The following RGPD8 variants were observed in gnomAD, a reference collection of about 807,000 sequenced individuals.
RGPD8 encodes RANBP2-like and GRIP domain-containing protein 8.
In RGPD8, 15 loss-of-function variants were observed where a neutral mutation model predicts 89.1. The ratio of observed to expected loss-of-function variants is 0.17; its 90% CI spans 0.11 to 0.26. The LOEUF is 0.26. Ranked by LOEUF, RGPD8 falls within the 10% of genes least tolerant of loss-of-function variation. RGPD8 has a pLI of 1.00. For missense variants in RGPD8, 178 were observed against 1,179.6 expected (o/e 0.15, Z 12.44); for synonymous variants, 62 against 420.9 (o/e 0.15, Z 10.44).
intron 22 of RGPD8, among the ~76,000 whole-genome samples, chr2:112,374,398 T>C (rs1187766461): frequency 2.0e-5 from 3 of 151,548 alleles, no homozygotes; most frequent in Non-Finnish European, 4.4e-5. Context: ...GAATTTCCAG[T>C]GAAGGCAGAT....
chr2:112,405,264 G>GT lies in RGPD8; in HGVS notation c.1066+1032dup, dbSNP rs1257426310. The stretch of plus-strand genomic sequence containing the variant: ...CCACTGAACTGTACACTTTAAATGG[G>GT]TGAAGCGTATGGTATACGAATTATA... On this transcript the variant is annotated intron_variant, in intron 8 of 22. Coordinates refer to ENST00000302558, the MANE Select transcript of RGPD8 (RefSeq NM_001164463.1). Among the ~76,000 whole-genome samples the GT allele has an allele frequency of 9.4e-5, 12 of 128,024 alleles. No homozygotes were observed. The East Asian group carries it at 2.7e-3, about 29-fold the overall frequency. The allele number at this position is 128,024 out of a possible 152,430, so 84.0% of individuals were successfully genotyped here.
chr2:112,410,592 A>G (rs1319197087), intron 7 of RGPD8, among the ~76,000 whole-genome samples: 6 of 149,914 alleles, frequency 4.0e-5, no homozygotes, highest in Admixed American at 2.0e-4. Context: ...CCTGGCTAAC[A>G]TGGTGAAATC....
intron 7 of RGPD8, among the ~76,000 whole-genome samples, chr2:112,410,786 T>TA (rs1312107898): frequency 6.6e-6 from 1 of 151,166 alleles, no homozygotes; most frequent in Non-Finnish European, 1.5e-5. Context: ...CAAATAAAAA[T>TA]AAAAAGATTT....
chr2:112,425,471 C>T (rs1364923469), intron 1 of RGPD8, among the ~76,000 whole-genome samples: 1 of 152,026 alleles, frequency 6.6e-6, no homozygotes, highest in African/African-American at 2.4e-5. Flanking sequence ...AATGCTGATG[C>T]ACACCAGGCT....
chr2:112,402,540 C>T (rs1164595074), intron 9 of RGPD8, among the ~76,000 whole-genome samples: 104 of 6,838 alleles, frequency 0.015, no homozygotes, highest in Non-Finnish European at 0.034. Context: ...AAAGGTTATG[C>T]GCTTCTGGAA....
intron 1 of RGPD8, among the ~76,000 whole-genome samples, chr2:112,430,129 A>C (rs1476455019): frequency 6.6e-6 from 1 of 152,206 alleles, no homozygotes; most frequent in Non-Finnish European, 1.5e-5. Flanking sequence ...GAAGACTAAC[A>C]AATGAAAGCA....
At chr2:112,384,725 AC>A (rs1236252015) in intron 20 of RGPD8, 1 of 155,050 alleles carries the variant, frequency 6.4e-6, no homozygotes, top group Non-Finnish European at 1.4e-5. Context: ...TTAATACTCT[AC>A]CTGAAAATAA....
At chr2:112,426,165 T>C (rs1052513550) in intron 1 of RGPD8, among the ~76,000 whole-genome samples, 3 of 152,184 alleles carry the variant, frequency 2.0e-5, no homozygotes, top group East Asian at 1.9e-4. Flanking sequence ...GGAAGCACTA[T>C]ATGGCTTCTC....
Position 112,433,562 on chromosome 2 carries a change from C to G in RGPD8, c.-109G>C, listed in dbSNP as rs1331393559. ...CAAGCCACTGAAGCAGCGGCGTAGC[C>G]GGCGGAGGCCCACTGTGACGAGCGT... On this transcript the variant is annotated 5_prime_UTR_variant, in exon 1 of 23. Transcript: ENST00000302558. 8 of 1,178,388 alleles carry G rather than the reference C, an allele frequency of 6.8e-6. No homozygotes were observed. Among genetic ancestry groups the G allele is most frequent in the African/African-American group, 3.2e-5 (2 of 63,198 alleles). The allele number at this position is 1,178,388 out of a possible 1,614,324, so 73.0% of individuals were successfully genotyped here.
chr2:112,408,639 T>C (rs758581322), intron 7 of RGPD8, among the ~76,000 whole-genome samples: 11,301 of 139,014 alleles, frequency 0.081, 7 homozygotes, highest in Non-Finnish European at 0.1. Flanking sequence ...TAGTTGTGAA[T>C]CCACTCAATC....
At chr2:112,378,781 G>GT (rs1375880785) in intron 21 of RGPD8, among the ~76,000 whole-genome samples, 1 of 9,598 alleles carries the variant, frequency 1.0e-4, no homozygotes, top group Non-Finnish European at 2.5e-4. Flanking sequence ...GAAGCACAGG[G>GT]TATCATGGAA....
chr2:112,409,956 GAC>G (rs1679100260), intron 7 of RGPD8, among the ~76,000 whole-genome samples: 1 of 93,856 alleles, frequency 1.1e-5, no homozygotes, highest in Non-Finnish European at 2.0e-5. Context: ...GACTCTAATA[GAC>G]ACACAGACAG....
intron 1 of RGPD8, among the ~76,000 whole-genome samples, chr2:112,431,426 G>A (rs1374563984): frequency 6.6e-6 from 1 of 152,140 alleles, no homozygotes; most frequent in African/African-American, 2.4e-5. Context: ...GGAATAGACT[G>A]TAACTTACTG....
intron 7 of RGPD8, among the ~76,000 whole-genome samples, chr2:112,408,472 ACAT>A (rs1490136572): frequency 1.5e-5 from 2 of 136,310 alleles, no homozygotes; most frequent in Non-Finnish European, 3.1e-5. Context: ...AGTTTTCTAA[ACAT>A]CATGTCAAAG....
chr2:112,374,759 T>G (rs1396728977), intron 22 of RGPD8, among the ~76,000 whole-genome samples: 1 of 140,048 alleles, frequency 7.1e-6, no homozygotes, highest in African/African-American at 2.5e-5. Context: ...GAACTTCGAT[T>G]AGTAAAAACA....
intron 1 of RGPD8, chr2:112,432,539 C>T: frequency 1.0e-6 from 1 of 985,392 alleles, no homozygotes; most frequent in Non-Finnish European, 1.2e-6. Context: ...CCTTGTCACT[C>T]GACGCAGCCG....
intron 3 of RGPD8, among the ~76,000 whole-genome samples, 176 bp downstream of exon 3, chr2:112,422,372 C>A (rs1173781788): frequency 2.0e-5 from 3 of 151,252 alleles, no homozygotes; most frequent in South Asian, 2.1e-4. Context: ...GTTAGACTTA[C>A]AATTTATAGG....
At chr2:112,432,333 A>AT (rs577892118) in intron 1 of RGPD8, among the ~76,000 whole-genome samples, 44 of 147,702 alleles carry the variant, frequency 3.0e-4, no homozygotes, top group East Asian at 7.9e-4. Flanking sequence ...GAACTTTAGA[A>AT]TTTTTTTTTT....
intron 6 of RGPD8, 145 bp downstream of exon 6, chr2:112,417,048 G>C (rs1679438978): frequency 1.3e-6 from 2 of 1,521,032 alleles, no homozygotes; most frequent in East Asian, 4.5e-5. Context: ...AAATAAGATT[G>C]CCTCCTAGCG....
Sources: allele counts gnomAD v4.1 joint callset (sites outside exome capture counted in the v4.1 genomes callset), GRCh38; gene constraint gnomAD v4.1.1; transcripts MANE v1.5; gene names NCBI Gene and HGNC (gene_info 2026-07-23, HGNC 2026-07-21).